Variants in FAM135A observed in about 807,000 individuals in gnomAD.
The protein encoded by FAM135A is protein FAM135A.
FAM135A carries 79 observed loss-of-function variants against 146.8 expected under a neutral mutation model. The observed-to-expected ratio is 0.54, with a 90% CI of 0.45 to 0.65. FAM135A has a LOEUF of 0.65. Among genes scored for constraint, FAM135A ranks in the 30% least tolerant of loss-of-function variants. The probability of loss-of-function intolerance (pLI) is 0.00; values close to 1 mark genes in which losing one functional copy is unlikely to be tolerated. For missense variants in FAM135A, 1,623 were observed against 1,758.2 expected, an observed-to-expected ratio of 0.92 and a Z score of 1.38; for synonymous variants, 562 against 603.6, an observed-to-expected ratio of 0.93 and a Z score of 1.01.
At chr6:70,439,298 C>A (rs534831979) in intron 4 of FAM135A, among the ~76,000 whole-genome samples, 1 of 152,286 alleles carries the variant, frequency 6.6e-6, no homozygotes, top group South Asian at 2.1e-4. Flanking sequence ...GAGTTTATCA[C>A]CTGAGTGTAA....
chr6:70,457,867 A>C (rs1412249825), intron 5 of FAM135A, among the ~76,000 whole-genome samples: 5 of 152,086 alleles, frequency 3.3e-5, no homozygotes, highest in Non-Finnish European at 7.4e-5. Context: ...TTTCCTGGGT[A>C]CTTAATTTTT....
At chr6:70,495,265 G>T (rs1786960104) in intron 11 of FAM135A, among the ~76,000 whole-genome samples, 1 of 152,180 alleles carries the variant, frequency 6.6e-6, no homozygotes, top group African/African-American at 2.4e-5. Context: ...CATAAATTCT[G>T]TAAACATGTA....
At chr6:70,516,508 T>C (rs1792247103) in intron 12 of FAM135A, among the ~76,000 whole-genome samples, 1 of 151,122 alleles carries the variant, frequency 6.6e-6, no homozygotes, top group Admixed American at 6.6e-5. Context: ...GATTTTAATA[T>C]CATAAAATAG....
At chr6:70,449,314 T>C in intron 4 of FAM135A, among the ~76,000 whole-genome samples, 1 of 152,178 alleles carries the variant, frequency 6.6e-6, no homozygotes, top group East Asian at 1.9e-4. Context: ...TATTATTAAC[T>C]GTGGTCACCA....
chr6:70,425,557 C>G (rs73474960), intron 2 of FAM135A, among the ~76,000 whole-genome samples: 1 of 152,080 alleles, frequency 6.6e-6, no homozygotes, highest in Non-Finnish European at 1.5e-5. Flanking sequence ...AAAGAGTGAA[C>G]GTGGTCTTTA....
At chr6:70,502,269 A>G (rs1224200742) in intron 11 of FAM135A, among the ~76,000 whole-genome samples, 1 of 148,522 alleles carries the variant, frequency 6.7e-6, no homozygotes, top group Non-Finnish European at 1.5e-5. Flanking sequence ...TTTCAAAACA[A>G]TTATAACTCT....
chr6:70,471,137 C>T (rs1781543935), intron 5 of FAM135A, among the ~76,000 whole-genome samples: 1 of 152,184 alleles, frequency 6.6e-6, no homozygotes, highest in African/African-American at 2.4e-5. Context: ...GTTTGTTTTT[C>T]TCCAGGCACA....
chr6:70,461,617 C>A (rs1483445129), intron 5 of FAM135A, among the ~76,000 whole-genome samples: 1 of 151,970 alleles, frequency 6.6e-6, no homozygotes. Flanking sequence ...AGATAGGAAA[C>A]ATGAACTAGT....
intron 9 of FAM135A, 64 bp downstream of exon 9, chr6:70,481,091 A>G: frequency 7.3e-7 from 1 of 1,363,186 alleles, no homozygotes; most frequent in East Asian, 2.6e-5. Flanking sequence ...TAACAATTTT[A>G]TCTGTGAATG....
intron 8 of FAM135A, among the ~76,000 whole-genome samples, chr6:70,477,695 A>G (rs1782889187): frequency 6.6e-6 from 1 of 151,976 alleles, no homozygotes; most frequent in South Asian, 2.1e-4. Flanking sequence ...TGATCTAATC[A>G]CCTCCCACCA....
intron 20 of FAM135A, 149 bp downstream of exon 20, chr6:70,538,550 A>G (rs1797200823): frequency 2.3e-6 from 1 of 426,962 alleles, no homozygotes; most frequent in African/African-American, 2.0e-5. Context: ...CAGCAAACTC[A>G]GAACTGAAAC....
intron 19 of FAM135A, among the ~76,000 whole-genome samples, chr6:70,537,177 G>T (rs1048065044): frequency 6.6e-6 from 1 of 151,890 alleles, no homozygotes; most frequent in Non-Finnish European, 1.5e-5. Flanking sequence ...CTCGTGATCC[G>T]CCCGCCTCGG....
intron 4 of FAM135A, among the ~76,000 whole-genome samples, chr6:70,448,221 A>T (rs1433057048): frequency 6.6e-6 from 1 of 152,162 alleles, no homozygotes; most frequent in Non-Finnish European, 1.5e-5. Flanking sequence ...TTTTTCTTTA[A>T]CATAATAATG....
At chr6:70,464,819 A>G (rs1477206957) in intron 5 of FAM135A, among the ~76,000 whole-genome samples, 3 of 129,030 alleles carry the variant, frequency 2.3e-5, no homozygotes, top group Non-Finnish European at 4.7e-5. Context: ...GGCATGCACC[A>G]CCACGCCTGG....
At chr6:70,548,254 A>G (rs1319452092) in intron 20 of FAM135A, among the ~76,000 whole-genome samples, 1 of 152,210 alleles carries the variant, frequency 6.6e-6, no homozygotes, top group African/African-American at 2.4e-5. Context: ...TGGCTAATAT[A>G]AAAAGCAAAC....
chr6:70,439,267 G>A (rs776092414), intron 4 of FAM135A, among the ~76,000 whole-genome samples: 9 of 152,162 alleles, frequency 5.9e-5, no homozygotes, highest in Admixed American at 2.6e-4. Context: ...CTGAGGTTTC[G>A]GTCTTCCACT....
At chr6:70,489,990 C>A (rs2128214692) in intron 10 of FAM135A, among the ~76,000 whole-genome samples, 1 of 152,256 alleles carries the variant, frequency 6.6e-6, no homozygotes, top group African/African-American at 2.4e-5. Flanking sequence ...CCCTTGCCTG[C>A]TCGTATCTGG....
chr6:70,489,171 A>AT (rs974925876), intron 10 of FAM135A, among the ~76,000 whole-genome samples: 3 of 152,078 alleles, frequency 2.0e-5, no homozygotes, highest in South Asian at 2.1e-4. Context: ...AACTTTACTG[A>AT]TTTTTTTTCT....
chr6:70,556,231 A>G (rs1255578197), intron 20 of FAM135A, among the ~76,000 whole-genome samples: 1 of 152,182 alleles, frequency 6.6e-6, no homozygotes, highest in African/African-American at 2.4e-5. Context: ...CCTGGGCAAC[A>G]AAGTGAGACT....
Sources: allele counts gnomAD v4.1 joint callset (sites outside exome capture counted in the v4.1 genomes callset), GRCh38; gene constraint gnomAD v4.1.1; transcripts MANE v1.5; gene names NCBI Gene and HGNC (gene_info 2026-07-23, HGNC 2026-07-21).